Variants in SLC38A7 observed in about 807,000 individuals in gnomAD.
SLC38A7 encodes the protein solute carrier family 38 member 7.
In SLC38A7, 29 loss-of-function variants were observed where a neutral mutation model predicts 50.1. The ratio of observed to expected loss-of-function variants is 0.58; its 90% CI spans 0.43 to 0.79. The LOEUF (loss-of-function observed/expected upper bound fraction) is 0.79. SLC38A7 is among the 30% of genes least tolerant of loss of function. SLC38A7 has a pLI of 0.00. For synonymous variants in SLC38A7, 244 were observed against 245.9 expected, an observed-to-expected ratio of 0.99 and a Z score of 0.07; for missense variants, 483 against 610.6, an observed-to-expected ratio of 0.79 and a Z score of 2.20.
At chr16:58,670,660 C>T (rs1294692537) in intron 10 of SLC38A7, among the ~76,000 whole-genome samples, 2 of 152,210 alleles carry the variant, frequency 1.3e-5, no homozygotes, top group Non-Finnish European at 2.9e-5. Flanking sequence ...ACCCCACTGC[C>T]CTCTGGGCTG....
chr16:58,671,603 C>A, intron 9 of SLC38A7: 1 of 318,784 alleles, frequency 3.1e-6, no homozygotes, highest in Non-Finnish European at 5.9e-6. Context: ...GCTCTCTCAC[C>A]CAGGCTGGAG....
intron 3 of SLC38A7, 23 bp downstream of exon 3, chr16:58,679,834 G>C: frequency 6.2e-7 from 1 of 1,612,336 alleles, no homozygotes; most frequent in South Asian, 1.1e-5. Flanking sequence ...CTGCACCTCT[G>C]CCCTCCCGGC....
intron 8 of SLC38A7, among the ~76,000 whole-genome samples, chr16:58,673,083 A>ATGTTTTTT (rs2044188847): frequency 1.7e-5 from 1 of 60,360 alleles, no homozygotes; most frequent in African/African-American, 9.3e-5. Context: ...TGCCCGGCTA[A>ATGTTTTTT]TTTTTTTTTT....
intron 10 of SLC38A7, 139 bp from the exon 11 acceptor site, chr16:58,670,306 C>T (rs918230733): frequency 5.3e-6 from 4 of 752,686 alleles, no homozygotes; most frequent in Admixed American, 2.5e-5. Flanking sequence ...TCTGCCCCCA[C>T]ACCACATCCT....
In SLC38A7 at chr16:58,665,262, C is replaced by T. The variant is rs944842729; in HGVS notation, c.*2123G>A. The T allele has an allele frequency of 5.3e-5, 8 of 152,316 alleles. No individual in the cohort carries two copies. Among genetic ancestry groups the T allele is most frequent in the Admixed American group, 3.3e-4 (5 of 15,274 alleles). The allele number at this position is 152,316 out of a possible 1,614,324, so 9.4% of individuals were successfully genotyped here. On this transcript the variant is annotated 3_prime_UTR_variant, in exon 12 of 12. Transcript: ENST00000219320. ...AAGAGGCCAGATTCCAGCTCCTTCT[C>T]CTGACTGGTCTGTCTCTGTGCAATG...
intron 2 of SLC38A7, among the ~76,000 whole-genome samples, chr16:58,682,113 C>T (rs1173656953): frequency 1.3e-5 from 2 of 152,054 alleles, no homozygotes; most frequent in East Asian, 3.9e-4. Context: ...GCCCAGATCA[C>T]GCCACTGCAC....
chr16:58,672,787 C>T (rs2044183716), intron 8 of SLC38A7, among the ~76,000 whole-genome samples: 1 of 152,100 alleles, frequency 6.6e-6, no homozygotes, highest in East Asian at 1.9e-4. Context: ...GCTAGGACTA[C>T]AGGCAGATGC....
At position 58,672,095 on chromosome 16, in the gene SLC38A7, C is replaced by T. The variant is rs1355503903; in HGVS notation, c.1031+1G>A. 4.5e-6 allele frequency: 7 copies of T among 1,553,970 alleles called. No individual in the cohort carries two copies. Among genetic ancestry groups the T allele is most frequent in the Non-Finnish European group, 6.1e-6 (7 of 1,148,820 alleles). ...GCCCTGGGGAGTGGAAGGGGGCTCA[C>T]CGCCCACAGAAGTGCAGGATAGGGT... On this transcript the variant is annotated splice_donor_variant, in intron 9 of 11. Coordinates refer to ENST00000219320, the MANE Select transcript of SLC38A7 (RefSeq NM_018231.3). LOFTEE classifies it high-confidence loss of function.
chr16:58,675,672 T>C (rs1160422568), intron 8 of SLC38A7, among the ~76,000 whole-genome samples: 2 of 152,196 alleles, frequency 1.3e-5, no homozygotes, highest in African/African-American at 2.4e-5. Context: ...GCAAGACCAG[T>C]TCTGTCTCTC....
Position 58,675,920 on chromosome 16 carries a change from TGGG to T in SLC38A7, c.883+17_883+19del, listed in dbSNP as rs34833577. The T allele has an allele frequency of 1.2e-5, 18 of 1,504,828 alleles. No individual in the cohort carries two copies. Among genetic ancestry groups the T allele is most frequent in the Admixed American group, 9.2e-5 (5 of 54,128 alleles). The allele number at this position is 1,504,828 out of a possible 1,614,324, so 93.2% of individuals were successfully genotyped here. The stretch of plus-strand genomic sequence containing the variant: ...GTGAGAGCACTCTAGTCCCAGGTCT[TGGG>T]GGGGGGGAGCACTCACCTGTCCCCA... On this transcript the variant is annotated intron_variant, in intron 8 of 11. Transcript: ENST00000219320.
chr16:58,683,131 G>C (rs1019686147), intron 2 of SLC38A7, among the ~76,000 whole-genome samples: 1 of 151,986 alleles, frequency 6.6e-6, no homozygotes, highest in Non-Finnish European at 1.5e-5. Flanking sequence ...CTGCTGCCTC[G>C]GCCTCCCAAA....
At chr16:58,680,896 C>T (rs987717675) in intron 2 of SLC38A7, among the ~76,000 whole-genome samples, 1 of 152,168 alleles carries the variant, frequency 6.6e-6, no homozygotes, top group African/African-American at 2.4e-5. Flanking sequence ...TCTAATGCTC[C>T]CAACTCCTTT....
rs1343773326 is a variant in SLC38A7 at position 58,676,365 on chromosome 16, G to A, written c.711-19C>T. 1.2e-6 allele frequency: 2 copies of A among 1,614,064 alleles called. No individual in the cohort carries two copies. Among genetic ancestry groups the A allele is most frequent in the African/African-American group, 1.3e-5 (1 of 75,064 alleles). On this transcript the variant is annotated intron_variant, in intron 6 of 11. Transcript: ENST00000219320. ...AGCCGGCCTGTGAACAAACACACAT[G>A]GTGCTGCCACCTGGGAACCCCTCAG...
intron 11 of SLC38A7, 125 bp downstream of exon 11, chr16:58,669,984 AAAAC>A: frequency 2.4e-5 from 20 of 839,540 alleles, no homozygotes; most frequent in Non-Finnish European, 3.4e-5. Context: ...CAAAAAAAAA[AAAAC>A]AAAACAAAAA....
At chr16:58,673,663 C>CTT (rs2044202033) in intron 8 of SLC38A7, among the ~76,000 whole-genome samples, 1 of 130,382 alleles carries the variant, frequency 7.7e-6, no homozygotes, top group African/African-American at 3.7e-5. Flanking sequence ...AGTGCCTGGC[C>CTT]GTTTTTTTTT....
chr16:58,676,468 C>T (rs943774449), intron 6 of SLC38A7, 122 bp from the exon 7 acceptor site: 16 of 998,236 alleles, frequency 1.6e-5, no homozygotes, highest in Non-Finnish European at 2.5e-5. Flanking sequence ...ATAGCTTCAA[C>T]CCACAGAAGT....
Position 58,670,167 on chromosome 16 carries a change from C to A in SLC38A7, c.1232G>T (p.Gly411Val), listed in dbSNP as rs1567469388. The change falls in exon 11 of 12, where the codon GGG becomes GTG. Residue 411 changes from glycine (G) to valine (V), a missense_variant and splice_region_variant. Gly to Val is a moderately radical substitution (Grantham distance 109). Transcript: ENST00000219320. ...LAACFIFVFP[G>V]LCLIQAKLSE... ...GAGTTTGGCTTGAATGAGGCACAGC[C>A]CTGAAAGAGAAGAAGTGGCCCTGAG... 1 of 1,614,130 alleles carries A rather than the reference C, an allele frequency of 6.2e-7. No homozygotes were observed. Among genetic ancestry groups the A allele is most frequent in the Non-Finnish European group, 8.5e-7 (1 of 1,179,996 alleles).
intron 11 of SLC38A7, 141 bp from the exon 12 acceptor site, chr16:58,667,628 A>T (rs2044067071): frequency 1.6e-6 from 1 of 617,170 alleles, no homozygotes; most frequent in Non-Finnish European, 2.6e-6. Context: ...AGACTTCAAT[A>T]CAAAGGTAGT....
Position 58,672,163 on chromosome 16 carries a change from C to A in SLC38A7, c.964G>T (p.Ala322Ser). ...AGGATGATGAAGGCTCGGGCAACGG[C>A]CACGGCCATGTCCTCCGAGGGATAG... ...LSYPSEDMAVAVARAFIILSV... is the reference protein window; with the variant it reads ...LSYPSEDMAVSVARAFIILSV... The change falls in exon 9 of 12, where the codon GCC becomes TCC. Residue 322 changes from alanine (A) to serine (S), a missense_variant. Transcript: ENST00000219320. The A allele has an allele frequency of 6.4e-7, 1 of 1,567,216 alleles. No homozygotes were observed. Among genetic ancestry groups the A allele is most frequent in the Admixed American group, 1.9e-5 (1 of 52,726 alleles).
Sources: allele counts gnomAD v4.1 joint callset (sites outside exome capture counted in the v4.1 genomes callset), GRCh38; gene constraint gnomAD v4.1.1; transcripts MANE v1.5; gene names NCBI Gene and HGNC (gene_info 2026-07-23, HGNC 2026-07-21).